The following CCDC25 variants were observed in gnomAD, a reference collection of about 807,000 sequenced individuals.
The protein encoded by CCDC25 is coiled-coil domain-containing protein 25.
CCDC25 carries 16 observed loss-of-function variants against 35.3 expected under a neutral mutation model. The ratio of observed to expected loss-of-function variants is 0.45; its 90% CI spans 0.31 to 0.69. CCDC25 has a LOEUF of 0.69. Ranked by LOEUF, CCDC25 falls within the 30% of genes least tolerant of loss-of-function variation. CCDC25 has a pLI of 0.06. For missense variants in CCDC25, 179 were observed against 250.7 expected (o/e 0.71, Z 1.93); for synonymous variants, 79 against 80.3 (o/e 0.98, Z 0.09).
rs1030390980 is a variant in CCDC25, at chr8:27,734,374, C to T, written c.*1842G>A. ...CACAGATTTGATCAAGGGCACAGCT[C>T]ATAAAAATAGCAACAATTTCGAATT... On this transcript the variant is annotated 3_prime_UTR_variant, in exon 9 of 9. Transcript: ENST00000356537. 2.6e-5 allele frequency: 4 copies of T among 152,166 alleles called. No individual in the cohort carries two copies. The highest frequency in any genetic ancestry group is 9.7e-5 in the African/African-American group (4 of 41,432). 9.4% of individuals were successfully genotyped at this position (152,166 alleles called of 1,614,324 possible).
At position 27,734,746 on chromosome 8, in the gene CCDC25, G is replaced by A. The variant is rs1803159095; in HGVS notation, c.*1470C>T. ...AAAAGCGCTATCTACATGTGTTGCA[G>A]TGTGAGGTACAGAGGAATTCTGTAG... is the stretch of plus-strand genomic sequence containing the variant. On this transcript the variant is annotated 3_prime_UTR_variant, in exon 9 of 9. Coordinates refer to ENST00000356537, the MANE Select transcript of CCDC25 (RefSeq NM_018246.3). 1 of 152,202 alleles carries A rather than the reference G, an allele frequency of 6.6e-6. No individual in the cohort carries two copies. The highest frequency in any genetic ancestry group is 6.5e-5 in the Admixed American group (1 of 15,276). The allele number at this position is 152,202 out of a possible 1,614,324, so 9.4% of individuals were successfully genotyped here.
chr8:27,770,688 G>C (rs1247584702), intron 1 of CCDC25, among the ~76,000 whole-genome samples: 1 of 150,722 alleles, frequency 6.6e-6, no homozygotes, highest in African/African-American at 2.4e-5. Context: ...GCAGTGAGCC[G>C]AGATCGTGCC....
intron 3 of CCDC25, among the ~76,000 whole-genome samples, chr8:27,760,965 T>C (rs1463207305): frequency 6.6e-6 from 1 of 151,960 alleles, no homozygotes; most frequent in Non-Finnish European, 1.5e-5. Flanking sequence ...CAGTCTCTAC[T>C]AAAAATACAA....
rs112724371 is a variant in CCDC25, at chr8:27,765,950, G to T, written c.29-699C>A. 1.2e-3 allele frequency among the ~76,000 whole-genome samples: 188 copies of T among 152,296 alleles called. 2 individuals carry two copies. Among genetic ancestry groups the T allele is most frequent in the African/African-American group, 4.4e-3 (183 of 41,562 alleles). On this transcript the variant is annotated intron_variant, in intron 1 of 8. Coordinates refer to ENST00000356537, the MANE Select transcript of CCDC25 (RefSeq NM_018246.3). ...CAAGTGATTCTAATATAAGGTCAGG[G>T]TTAGAAACAACTATCCTAACTCAAA...
chr8:27,754,751 G>C (rs1803939568), intron 4 of CCDC25: 1 of 152,286 alleles, frequency 6.6e-6, no homozygotes, highest in South Asian at 2.1e-4. Context: ...TCCTTGCTCA[G>C]CCTCCCCAGA....
At chr8:27,758,634 A>G (rs999242350) in intron 3 of CCDC25, among the ~76,000 whole-genome samples, 11 of 152,216 alleles carry the variant, frequency 7.2e-5, no homozygotes, top group Non-Finnish European at 1.5e-4. Flanking sequence ...TCTTAGGAAA[A>G]TATCACACTA....
intron 7 of CCDC25, among the ~76,000 whole-genome samples, chr8:27,742,513 C>T (rs551745003): frequency 1.3e-5 from 2 of 152,306 alleles, no homozygotes; most frequent in South Asian, 4.1e-4. Context: ...TGGGGATCTA[C>T]CCAGGCTGAA....
rs200157499 is a variant in CCDC25 at position 27,736,744 on chromosome 8, AG to A, written c.598-500del. 1.4e-3 allele frequency among the ~76,000 whole-genome samples: 215 copies of A among 152,326 alleles called. 3 individuals are homozygous for A. In the East Asian group the frequency reaches 0.029, roughly 20 times the overall value. On this transcript the variant is annotated intron_variant, in intron 8 of 8. Transcript: ENST00000356537. ...TTCTTTTTTAATAGGAAAGGCCATCAGGAAGTCAAACATAGGCTAGTTTACC... is the reference window on the plus strand; with the variant it reads ...TTCTTTTTTAATAGGAAAGGCCATCAGAAGTCAAACATAGGCTAGTTTACC...
At position 27,756,756 on chromosome 8, in the gene CCDC25, T is replaced by G; in HGVS notation, c.131A>C (p.Lys44Thr). The change falls in exon 4 of 9, where the codon AAA becomes ACA. Residue 44 changes from lysine (K) to threonine (T), a missense_variant. Physicochemically the swap from Lys to Thr is moderately conservative, Grantham distance 78. Transcript: ENST00000356537. ...AAGGTATACATGAGCCGAAGAGAGT[T>G]TGTCCACATGAAACCTACAAAGAAT... ...WPEDIWFHVD[K>T]LSSAHVYLRL... The G allele has an allele frequency of 9.3e-6, 15 of 1,612,816 alleles. No homozygotes were observed. The highest frequency in any genetic ancestry group is 1.3e-5 in the Non-Finnish European group (15 of 1,178,866).
chr8:27,760,578 CCTA>C (rs1405856574), intron 3 of CCDC25, among the ~76,000 whole-genome samples: 1 of 152,116 alleles, frequency 6.6e-6, no homozygotes, highest in African/African-American at 2.4e-5. Context: ...TTACTGAATA[CCTA>C]CTATGTGCCA....
At chr8:27,744,264 C>G (rs1444077716) in intron 7 of CCDC25, among the ~76,000 whole-genome samples, 2 of 151,868 alleles carry the variant, frequency 1.3e-5, no homozygotes, top group African/African-American at 4.8e-5. Context: ...AAAATTGAAA[C>G]AAAAAAGGAA....
intron 8 of CCDC25, among the ~76,000 whole-genome samples, chr8:27,738,188 C>A (rs1803309404): frequency 6.6e-6 from 1 of 151,962 alleles, no homozygotes; most frequent in South Asian, 2.1e-4. Context: ...GACGGATGCA[C>A]CAAAATCTCA....
At chr8:27,752,621 C>T (rs1563450898) in intron 4 of CCDC25, 34 bp from the exon 5 acceptor site, 3 of 1,521,672 alleles carry the variant, frequency 2.0e-6, no homozygotes. Flanking sequence ...TGGTCCACTA[C>T]CTCATTATCC....
intron 3 of CCDC25, among the ~76,000 whole-genome samples, chr8:27,760,944 G>A (rs1804206734): frequency 6.6e-6 from 1 of 152,118 alleles, no homozygotes; most frequent in East Asian, 1.9e-4. Flanking sequence ...TGGCCAATGT[G>A]GTGATAGCCC....
At chr8:27,761,274 G>A (rs12679973) in intron 3 of CCDC25, among the ~76,000 whole-genome samples, 64,960 of 152,062 alleles carry the variant, frequency 0.43, 14,151 homozygotes, top group East Asian at 0.62. Flanking sequence ...GAGAAGAAAG[G>A]AGCTGAAGCC....
intron 1 of CCDC25, among the ~76,000 whole-genome samples, chr8:27,767,953 C>T (rs1228428242): frequency 6.6e-6 from 1 of 151,988 alleles, no homozygotes; most frequent in Admixed American, 6.6e-5. Flanking sequence ...TGTAATCCCA[C>T]CACTTTGGGA....
At chr8:27,761,204 A>C (rs754961061) in intron 3 of CCDC25, among the ~76,000 whole-genome samples, 48 of 152,162 alleles carry the variant, frequency 3.2e-4, no homozygotes, top group Non-Finnish European at 7.4e-5. Flanking sequence ...GAAATAAGTG[A>C]AGGGTCTGTG....
rs1037827417 is a variant in CCDC25 at position 27,733,619 on chromosome 8, T to G, written c.*2597A>C. 3 of 152,220 alleles carry G rather than the reference T, an allele frequency of 2.0e-5. No individual in the cohort carries two copies. The highest frequency in any genetic ancestry group is 4.4e-5 in the Non-Finnish European group (3 of 68,036). The allele number at this position is 152,220 out of a possible 1,614,324, so 9.4% of individuals were successfully genotyped here. A position where few individuals can be genotyped will look rare whatever the true frequency, so the allele number is the denominator to read the frequency against. ...AAGTTTCTAATTTTATACTTTTCAT[T>G]GTGGTCTGGTCAGATTTTAGTCTGC... On this transcript the variant is annotated 3_prime_UTR_variant, in exon 9 of 9. Coordinates refer to ENST00000356537, the MANE Select transcript of CCDC25 (RefSeq NM_018246.3).
Position 27,747,578 on chromosome 8 carries a change from G to T in CCDC25, c.551+499C>A, listed in dbSNP as rs922694337. On this transcript the variant is annotated intron_variant, in intron 7 of 8. Transcript: ENST00000356537. ...TCACTAGAATTTCAGGAGCCAAATT[G>T]TATTTGAACTATTTAGCTGTTTAAA... Among the ~76,000 whole-genome samples the T allele has an allele frequency of 2.0e-5, 3 of 152,326 alleles. No individual in the cohort carries two copies. The East Asian group carries it at 5.8e-4, about 29-fold the overall frequency.
Sources: allele counts gnomAD v4.1 joint callset (sites outside exome capture counted in the v4.1 genomes callset), GRCh38; gene constraint gnomAD v4.1.1; transcripts MANE v1.5; gene names NCBI Gene and HGNC (gene_info 2026-07-23, HGNC 2026-07-21).